FHIT: variants seen among roughly 807,000 people sequenced by gnomAD.
The protein encoded by FHIT is bis(5'-adenosyl)-triphosphatase.
FHIT carries 19 observed loss-of-function variants against 17.9 expected under a neutral mutation model. The ratio of observed to expected loss-of-function variants is 1.06; its 90% CI spans 0.74 to 1.56. The LOEUF is 1.56. FHIT is among the 40% of genes most tolerant of loss of function. The pLI, the probability that FHIT is intolerant of heterozygous loss-of-function variation, is 0.00. For synonymous variants in FHIT, 81 were observed against 69.7 expected (o/e 1.16, Z -0.81); for missense variants, 248 against 189.2 (o/e 1.31, Z -1.82).
At chr3:60,052,594 C>T (rs1406951941) in intron 5 of FHIT, among the ~76,000 whole-genome samples, 4 of 151,918 alleles carry the variant, frequency 2.6e-5, no homozygotes, top group Non-Finnish European at 5.9e-5. Flanking sequence ...CTAGAGTGCT[C>T]CTGCCTTTTC....
intron 1 of FHIT, among the ~76,000 whole-genome samples, chr3:61,233,063 T>C (rs904396111): frequency 1.3e-5 from 2 of 152,226 alleles, no homozygotes; most frequent in Non-Finnish European, 2.9e-5. Context: ...TTTATACCTT[T>C]TTATATTGTT....
chr3:61,013,937 C>G (rs1424689397), intron 3 of FHIT, among the ~76,000 whole-genome samples: 1 of 152,088 alleles, frequency 6.6e-6, no homozygotes, highest in Non-Finnish European at 1.5e-5. Flanking sequence ...GTCCTTTGAC[C>G]TTTCCATGGA....
chr3:60,774,945 G>A (rs941729636), intron 4 of FHIT, among the ~76,000 whole-genome samples: 4 of 152,258 alleles, frequency 2.6e-5, no homozygotes, highest in Non-Finnish European at 2.9e-5. Flanking sequence ...TTTTTAGATC[G>A]AGTTGACCAC....
chr3:61,096,134 T>C (rs1422838554), intron 2 of FHIT, among the ~76,000 whole-genome samples: 1 of 152,206 alleles, frequency 6.6e-6, no homozygotes, highest in African/African-American at 2.4e-5. Flanking sequence ...GGGCTTTAAA[T>C]CTTTCTCAAA....
chr3:60,039,801 A>G (rs1701363515), intron 5 of FHIT, among the ~76,000 whole-genome samples: 1 of 152,206 alleles, frequency 6.6e-6, no homozygotes, highest in South Asian at 2.1e-4. Flanking sequence ...TATTGAGTTG[A>G]AAACATTAAT....
At chr3:60,176,260 G>A (rs57247546) in intron 5 of FHIT, among the ~76,000 whole-genome samples, 5,196 of 152,216 alleles carry the variant, frequency 0.034, 283 homozygotes, top group African/African-American at 0.12. Flanking sequence ...GCTGAGGCAG[G>A]AGAATTGCTT....
intron 5 of FHIT, among the ~76,000 whole-genome samples, chr3:60,357,827 T>A (rs553862883): frequency 6.6e-6 from 1 of 152,344 alleles, no homozygotes; most frequent in African/African-American, 2.4e-5. Flanking sequence ...CATCATAGTC[T>A]TTGCATAAGA....
chr3:59,837,427 A>C (rs566898034), intron 8 of FHIT, among the ~76,000 whole-genome samples: 3 of 152,214 alleles, frequency 2.0e-5, no homozygotes, highest in Non-Finnish European at 4.4e-5. Context: ...TTAGGGAATA[A>C]TGACAAGGAA....
chr3:61,044,795 T>C (rs1397577196), intron 2 of FHIT, among the ~76,000 whole-genome samples: 1 of 152,122 alleles, frequency 6.6e-6, no homozygotes, highest in Non-Finnish European at 1.5e-5. Context: ...CAGCAGAAAC[T>C]CTAGAAGCCA....
intron 5 of FHIT, among the ~76,000 whole-genome samples, chr3:60,132,010 C>A (rs72884608): frequency 6.6e-6 from 1 of 152,110 alleles, no homozygotes; most frequent in African/African-American, 2.4e-5. Context: ...TTAGCTTTCT[C>A]TCAACCCAGA....
chr3:60,150,292 C>G (rs373316797), intron 5 of FHIT, among the ~76,000 whole-genome samples: 1 of 152,000 alleles, frequency 6.6e-6, no homozygotes, highest in Non-Finnish European at 1.5e-5. Context: ...CCACTGTGCC[C>G]GGCCTGCCTT....
intron 5 of FHIT, among the ~76,000 whole-genome samples, chr3:60,531,373 G>T (rs1252891979): frequency 2.0e-5 from 3 of 150,504 alleles, no homozygotes; most frequent in South Asian, 4.2e-4. Context: ...CCGCCTCCCG[G>T]GTTCACGCCA....
chr3:60,252,199 T>C (rs1430184718), intron 5 of FHIT, among the ~76,000 whole-genome samples: 1 of 152,076 alleles, frequency 6.6e-6, no homozygotes, highest in Non-Finnish European at 1.5e-5. Context: ...AACACAAAGA[T>C]GAATCAGACG....
chr3:60,377,739 C>G (rs1700632546), intron 5 of FHIT, among the ~76,000 whole-genome samples: 1 of 151,832 alleles, frequency 6.6e-6, no homozygotes, highest in South Asian at 2.1e-4. Flanking sequence ...CCTCGGCCTC[C>G]CAAAGTGCTG....
chr3:59,921,374 T>C (rs1210971009), intron 8 of FHIT, among the ~76,000 whole-genome samples: 1 of 152,216 alleles, frequency 6.6e-6, no homozygotes, highest in Non-Finnish European at 1.5e-5. Context: ...GTTTATTTGA[T>C]AGAGCCACAT....
intron 7 of FHIT, among the ~76,000 whole-genome samples, chr3:60,008,181 G>C (rs1439746981): frequency 6.6e-6 from 1 of 152,080 alleles, no homozygotes; most frequent in African/African-American, 2.4e-5. Context: ...AGAGAGTAGG[G>C]GCTTTAGGAG....
At position 60,346,333 on chromosome 3, in the gene FHIT, T is replaced by A. The variant is rs2106922519; in HGVS notation, c.103+190527A>T. ...TCTTTCTGTTTTCACTGATCTGAAG[T>A]CACAAGCCTATAAAACCATTCAATT... On this transcript the variant is annotated intron_variant, in intron 5 of 9. Coordinates refer to ENST00000492590, the MANE Select transcript of FHIT (RefSeq NM_002012.4). Among the ~76,000 whole-genome samples, 2 of 152,328 alleles carry A rather than the reference T, an allele frequency of 1.3e-5. 1 individual carries two copies. Among genetic ancestry groups the A allele is most frequent in the South Asian group, 4.1e-4 (2 of 4,830 alleles).
At chr3:59,867,786 G>A (rs1195416943) in intron 8 of FHIT, among the ~76,000 whole-genome samples, 2 of 151,848 alleles carry the variant, frequency 1.3e-5, no homozygotes, top group African/African-American at 4.8e-5. Flanking sequence ...GATTATAGAG[G>A]ACAAAATCAT....
Position 61,044,036 on chromosome 3 carries a change from G to T in FHIT, c.-163-1937C>A, listed in dbSNP as rs1346396558. 2.6e-5 allele frequency among the ~76,000 whole-genome samples: 4 copies of T among 152,176 alleles called. No individual in the cohort carries two copies. The East Asian group carries it at 5.8e-4, about 22-fold the overall frequency. ...ACCACAAAGATGGGGAGAAACCAGA[G>T]TAGAAAAGCTGAAAATTCTAAAAAT... is the stretch of plus-strand genomic sequence containing the variant. On this transcript the variant is annotated intron_variant, in intron 2 of 9. Transcript: ENST00000492590.
Sources: gnomAD v4.1 joint callset for allele counts (sites outside exome capture counted in the v4.1 genomes callset) on GRCh38, gnomAD v4.1.1 for gene constraint, MANE v1.5 for transcripts, NCBI Gene and HGNC (gene_info 2026-07-23, HGNC 2026-07-21) for gene names.